Variants in ACAA1 observed in about 807,000 individuals in gnomAD.
ACAA1 encodes acetyl-CoA acyltransferase 1.
In ACAA1, 44 loss-of-function variants were observed where a neutral mutation model predicts 48.8. The ratio of observed to expected loss-of-function variants is 0.90; its 90% CI spans 0.71 to 1.16. The LOEUF is 1.16. ACAA1 is among the 50% of genes most tolerant of loss of function. The pLI, the probability that ACAA1 is intolerant of heterozygous loss-of-function variation, is 0.00. For synonymous variants in ACAA1, 233 were observed against 226.5 expected, an observed-to-expected ratio of 1.03 and a Z score of -0.26; for missense variants, 512 against 562.3, an observed-to-expected ratio of 0.91 and a Z score of 0.90.
At chr3:38,133,809 C>A (rs1384198462) in intron 3 of ACAA1, 143 bp downstream of exon 3, 7 of 782,218 alleles carry the variant, frequency 8.9e-6, no homozygotes, top group East Asian at 2.7e-5. Flanking sequence ...GTTGAGTCCA[C>A]AAGAGCAGGG....
At chr3:38,127,116 T>C (rs150407550) in intron 7 of ACAA1, among the ~76,000 whole-genome samples, 1 of 152,252 alleles carries the variant, frequency 6.6e-6, no homozygotes, top group Non-Finnish European at 1.5e-5. Context: ...TGACATATAC[T>C]AAACTACTCA....
chr3:38,125,705 G>A lies in ACAA1; in HGVS notation c.1059C>T (p.Ala353=). 1 of 1,607,642 alleles carries A rather than the reference G, an allele frequency of 6.2e-7. No homozygotes were observed. Among genetic ancestry groups the A allele is most frequent in the Non-Finnish European group, 8.5e-7 (1 of 1,176,072 alleles). The change falls in exon 11 of 12, where the codon GCC becomes GCT. Residue 353 remains alanine (A), a synonymous_variant. Coordinates refer to ENST00000333167, the MANE Select transcript of ACAA1 (RefSeq NM_001607.4). ...GGAGTCGTAGCTTCTCCACACAGTA[G>A]GCAGCCTGGAAGGAGGCAGATCATC... The part of the protein sequence containing the change: ...EINEAFASQA[A]YCVEKLRLPP...
chr3:38,128,417 T>C (rs1354200616), intron 6 of ACAA1, among the ~76,000 whole-genome samples: 1 of 152,214 alleles, frequency 6.6e-6, no homozygotes, highest in Non-Finnish European at 1.5e-5. Flanking sequence ...CCTGGGCTTC[T>C]GGCTTTATAG....
rs1410028033 is a variant in ACAA1 at position 38,134,110 on chromosome 3, G to A, written c.266-101C>T. 4.6e-5 allele frequency: 55 copies of A among 1,206,860 alleles called. 1 individual carries two copies. Among genetic ancestry groups the A allele is most frequent in the Non-Finnish European group, 4.7e-6 (4 of 851,430 alleles). The allele number at this position is 1,206,860 out of a possible 1,614,324, so 74.8% of individuals were successfully genotyped here. A position where few individuals can be genotyped will look rare whatever the true frequency, so the allele number is the denominator to read the frequency against. The stretch of plus-strand genomic sequence containing the variant: ...ATGAGGCATTCCAGATCTTTCTTCG[G>A]GACACTAGCCCTTGGCAGGCTCACT... On this transcript the variant is annotated intron_variant, in intron 2 of 11. Transcript: ENST00000333167.
At chr3:38,125,733 C>T (rs1000588245) in intron 10 of ACAA1, 23 bp from the exon 11 acceptor site, 2 of 1,613,208 alleles carry the variant, frequency 1.2e-6, no homozygotes, top group Non-Finnish European at 1.7e-6. Flanking sequence ...AGATCATCAC[C>T]TATAGCCCTC....
rs1299322357 is a variant in ACAA1, at chr3:38,126,423, G to A, written c.818-82C>T. On this transcript the variant is annotated intron_variant, in intron 8 of 11. Coordinates refer to ENST00000333167, the MANE Select transcript of ACAA1 (RefSeq NM_001607.4). This position sits in a 1 kb window ranked among gnomAD's most constrained non-coding sequence, Gnocchi z 4.7. ...CCCTCCCACTTCTACTTTGCAGAGGGGCCTGGTCTATTCCAGGTTCCCAGA... is the reference window on the plus strand; with the variant it reads ...CCCTCCCACTTCTACTTTGCAGAGGAGCCTGGTCTATTCCAGGTTCCCAGA... The A allele has an allele frequency of 2.0e-5, 32 of 1,607,934 alleles. No individual in the cohort carries two copies. The highest frequency in any genetic ancestry group is 2.7e-5 in the Non-Finnish European group (32 of 1,176,138).
At chr3:38,123,177 G>T in intron 11 of ACAA1, 55 bp from the exon 12 acceptor site, 1 of 1,536,854 alleles carries the variant, frequency 6.5e-7, no homozygotes, top group South Asian at 1.1e-5. Flanking sequence ...ATTACCTCCA[G>T]ACCAGGCTGA....
At chr3:38,132,087 GC>G (rs1222925255) in intron 3 of ACAA1, 82 bp from the exon 4 acceptor site, 4 of 1,290,958 alleles carry the variant, frequency 3.1e-6, no homozygotes, top group Non-Finnish European at 3.3e-6. Context: ...GCTTCTAACT[GC>G]CCCCCTCAAG....
intron 2 of ACAA1, among the ~76,000 whole-genome samples, chr3:38,136,303 C>T (rs1287655153): frequency 6.6e-6 from 1 of 152,176 alleles, no homozygotes; most frequent in Non-Finnish European, 1.5e-5. Context: ...CTGCCGCACT[C>T]CCCTTGCCGA....
rs1700686042 is a variant in ACAA1, at chr3:38,126,541, A to C, written c.786T>G (p.Pro262=). 8 of 1,614,066 alleles carry C rather than the reference A, an allele frequency of 5.0e-6. No homozygotes were observed. Among genetic ancestry groups the C allele is most frequent in the Non-Finnish European group, 6.8e-6 (8 of 1,180,034 alleles). Reference sequence around the variant, plus strand: ...TGGTAGAACCATCTTTCTTGAAGGCAGGCTTCAGTTTGGCCAGGCCCTCCA... The same window carrying C: ...TGGTAGAACCATCTTTCTTGAAGGCCGGCTTCAGTTTGGCCAGGCCCTCCA... ...TTMEGLAKLK[P]AFKKDGSTTA... Residue 262 remains proline, a synonymous_variant, in exon 8 of 12, where the codon CCT becomes CCG. Coordinates refer to ENST00000333167, the MANE Select transcript of ACAA1 (RefSeq NM_001607.4). The surrounding 1 kb of genome is among the most constrained non-coding windows in gnomAD (Gnocchi z 4.7).
chr3:38,124,693 AG>A (rs1411738585), intron 11 of ACAA1: 1 of 145,732 alleles, frequency 6.9e-6, no homozygotes, highest in Non-Finnish European at 1.6e-5. Flanking sequence ...TCACAAACGC[AG>A]GTGCACAAAT....
rs544221883 is a variant in ACAA1 at position 38,122,840 on chromosome 3, G to A, written c.*207C>T. 1 of 798,804 alleles carries A rather than the reference G, an allele frequency of 1.3e-6. No homozygotes were observed. The highest frequency in any genetic ancestry group is 2.7e-5 in the East Asian group (1 of 36,662). 49.5% of individuals were successfully genotyped at this position (798,804 alleles called of 1,614,324 possible). On this transcript the variant is annotated 3_prime_UTR_variant, in exon 12 of 12. Transcript: ENST00000333167. Reference sequence around the variant, plus strand: ...GCTTTTATCTTGCACAGCTAAAGAGGGTCTGATGGGTGGCTCAACACCCCA... The same window carrying A: ...GCTTTTATCTTGCACAGCTAAAGAGAGTCTGATGGGTGGCTCAACACCCCA...
At chr3:38,130,258 T>C (rs954280200) in intron 5 of ACAA1, among the ~76,000 whole-genome samples, 1 of 152,240 alleles carries the variant, frequency 6.6e-6, no homozygotes, top group Non-Finnish European at 1.5e-5. Flanking sequence ...CCAGCACTAT[T>C]CTGAATTCTT....
In ACAA1 at chr3:38,123,031, C is replaced by T. The variant is rs765184244; in HGVS notation, c.*16G>A. On this transcript the variant is annotated 3_prime_UTR_variant, in exon 12 of 12. Transcript: ENST00000333167. ...AGCAGGACTGTCTGCGTAGCGCCTC[C>T]AGCCTGGGACCTCACTCAGTTCCCA... is the stretch of plus-strand genomic sequence containing the variant. The T allele has an allele frequency of 6.2e-7, 1 of 1,613,838 alleles. No individual in the cohort carries two copies. Among genetic ancestry groups the T allele is most frequent in the Non-Finnish European group, 8.5e-7 (1 of 1,179,806 alleles).
At chr3:38,130,833 G>A (rs941624241) in intron 5 of ACAA1, among the ~76,000 whole-genome samples, 4 of 152,236 alleles carry the variant, frequency 2.6e-5, no homozygotes, top group Non-Finnish European at 5.9e-5. Flanking sequence ...TGGGACAGGG[G>A]CCAGCAATGC....
At chr3:38,133,829 C>T (rs1165234806) in intron 3 of ACAA1, 123 bp downstream of exon 3, 1 of 939,744 alleles carries the variant, frequency 1.1e-6, no homozygotes, top group African/African-American at 1.6e-5. Context: ...GAGCCAAGGA[C>T]TCTCGTTGCC....
At position 38,137,070 on chromosome 3, in the gene ACAA1, C is replaced by A; in HGVS notation, c.-35G>T. The A allele has an allele frequency of 1.3e-6, 2 of 1,497,068 alleles. No individual in the cohort carries two copies. Among genetic ancestry groups the A allele is most frequent in the South Asian group, 1.3e-5 (1 of 79,086 alleles). The allele number at this position is 1,497,068 out of a possible 1,614,324, so 92.7% of individuals were successfully genotyped here. A position where few individuals can be genotyped will look rare whatever the true frequency, so the allele number is the denominator to read the frequency against. On this transcript the variant is annotated 5_prime_UTR_variant, in exon 1 of 12. It introduces an in-frame stop codon into an upstream open reading frame of the 5' UTR. Transcript: ENST00000333167. The stretch of plus-strand genomic sequence containing the variant: ...CAACCCTGCAGACCAGCCACCAGTC[C>A]GGGAACTGACCGCGGAGTTAACAGA...
chr3:38,134,371 TG>T, intron 2 of ACAA1: 8 of 423,024 alleles, frequency 1.9e-5, no homozygotes, highest in Non-Finnish European at 4.6e-6. Context: ...CCCAGAGAGG[TG>T]GAACAGTGAT....
At position 38,136,700 on chromosome 3, in the gene ACAA1, G is replaced by T. The variant is rs753023953; in HGVS notation, c.172-15C>A. The T allele has an allele frequency of 1.3e-6, 2 of 1,598,298 alleles. No homozygotes were observed. Among genetic ancestry groups the T allele is most frequent in the Non-Finnish European group, 1.7e-6 (2 of 1,171,162 alleles). On this transcript the variant is annotated splice_polypyrimidine_tract_variant and intron_variant, in intron 1 of 11. Transcript: ENST00000333167. ...GGGGTGGTGTCCTGCAGCAGAAAGA[G>T]CAGCCGCAGTGACCCCCACTCCCCC...
Sources: allele counts gnomAD v4.1 joint callset (sites outside exome capture counted in the v4.1 genomes callset), GRCh38; gene constraint gnomAD v4.1.1; non-coding constraint Gnocchi (gnomAD v3.1); transcripts MANE v1.5; gene names NCBI Gene and HGNC (gene_info 2026-07-23, HGNC 2026-07-21).